FUT8: variants seen among roughly 807,000 people sequenced by gnomAD.
FUT8 encodes alpha-(1,6)-fucosyltransferase.
FUT8 carries 29 observed loss-of-function variants against 71.3 expected under a neutral mutation model. The ratio of observed to expected loss-of-function variants is 0.41; its 90% CI spans 0.30 to 0.55. FUT8 has a LOEUF of 0.55. Ranked by LOEUF, FUT8 falls within the 20% of genes least tolerant of loss-of-function variation. The pLI is 0.34. For synonymous variants in FUT8, 254 were observed against 239.3 expected, an observed-to-expected ratio of 1.06 and a Z score of -0.57; for missense variants, 544 against 702.1, an observed-to-expected ratio of 0.77 and a Z score of 2.55.
At chr14:65,480,522 C>T (rs1254594675) in intron 2 of FUT8, among the ~76,000 whole-genome samples, 1 of 151,686 alleles carries the variant, frequency 6.6e-6, no homozygotes, top group Non-Finnish European at 1.5e-5. Context: ...ATCATGTTGC[C>T]CAGGCTGGTT....
At chr14:65,528,163 C>A (rs948032957) in intron 2 of FUT8, among the ~76,000 whole-genome samples, 1 of 152,242 alleles carries the variant, frequency 6.6e-6, no homozygotes, top group Non-Finnish European at 1.5e-5. Context: ...TCTGCAGAGG[C>A]AGGCAGGCCT....
chr14:65,517,619 C>G (rs554104207), intron 2 of FUT8, among the ~76,000 whole-genome samples: 1 of 152,254 alleles, frequency 6.6e-6, no homozygotes, highest in East Asian at 1.9e-4. Context: ...GTGATCATAT[C>G]AACATGGAAA....
At position 65,489,659 on chromosome 14, in the gene FUT8, A is replaced by G; in HGVS notation, c.-228+33941A>G. On this transcript the variant is annotated intron_variant, in intron 2 of 10. Transcript: ENST00000673929. The surrounding 1 kb of genome is among the most constrained non-coding windows in gnomAD (Gnocchi z 4.0). ...TGAGTCTTAAAATATGTATAGCTTCATTTGTGTTGATTGATGTTGTAACTT... is the reference window on the plus strand; with the variant it reads ...TGAGTCTTAAAATATGTATAGCTTCGTTTGTGTTGATTGATGTTGTAACTT... Among the ~76,000 whole-genome samples, 1 of 152,138 alleles carries G rather than the reference A, an allele frequency of 6.6e-6. No homozygotes were observed.
chr14:65,658,234 G>A (rs1891785329), intron 6 of FUT8, among the ~76,000 whole-genome samples: 1 of 151,996 alleles, frequency 6.6e-6, no homozygotes, highest in African/African-American at 2.4e-5. Flanking sequence ...TAGTTATTAG[G>A]GAAATGCAAA....
intron 9 of FUT8, among the ~76,000 whole-genome samples, 160 bp downstream of exon 9, chr14:65,724,483 CAA>C (rs1257020014): frequency 1.3e-5 from 2 of 152,142 alleles, no homozygotes; most frequent in African/African-American, 2.4e-5. Context: ...TCAGTCTAAT[CAA>C]AGTGTTTTTA....
chr14:65,692,745 T>C lies in FUT8; in HGVS notation c.835+23265T>C, dbSNP rs1253540884. Among the ~76,000 whole-genome samples the C allele has an allele frequency of 5.0e-5, 7 of 140,852 alleles. No homozygotes were observed. In the East Asian group the frequency reaches 1.4e-3, roughly 28 times the overall value. 92.4% of individuals were successfully genotyped at this position (140,852 alleles called of 152,430 possible). A position where few individuals can be genotyped will look rare whatever the true frequency, so the allele number is the denominator to read the frequency against. On this transcript the variant is annotated intron_variant, in intron 7 of 10. Coordinates refer to ENST00000673929, the MANE Select transcript of FUT8 (RefSeq NM_001371533.1). ...GCCGGGCGGAGGGGCTCCTCACTTC[T>C]CAGACGGGGTGGTTGCCGGGCAGAG...
At chr14:65,656,179 A>G (rs762367256) in intron 6 of FUT8, among the ~76,000 whole-genome samples, 3 of 152,150 alleles carry the variant, frequency 2.0e-5, no homozygotes, top group Non-Finnish European at 4.4e-5. Context: ...TCTTGTTTGC[A>G]GACTATATGG....
chr14:65,587,935 T>A (rs2140131658), intron 3 of FUT8, among the ~76,000 whole-genome samples: 1 of 152,340 alleles, frequency 6.6e-6, no homozygotes, highest in East Asian at 1.9e-4. Flanking sequence ...GAATCTGATA[T>A]AATTAATAGA....
At chr14:65,629,344 C>A in intron 5 of FUT8, 148 bp from the exon 6 acceptor site, 1 of 496,612 alleles carries the variant, frequency 2.0e-6, no homozygotes. Context: ...TTTTGAATTG[C>A]ACAACCTTGA....
the FUT8 span, among the ~76,000 whole-genome samples, chr14:65,391,488 A>C: frequency 5.3e-5 from 8 of 152,194 alleles, no homozygotes; most frequent in Non-Finnish European, 7.4e-5. Flanking sequence ...CAAGAGTAGC[A>C]GGGACTACAG....
At chr14:65,496,825 T>A (rs1216038548) in intron 2 of FUT8, among the ~76,000 whole-genome samples, 1 of 152,186 alleles carries the variant, frequency 6.6e-6, no homozygotes, top group Non-Finnish European at 1.5e-5. Flanking sequence ...AGTGGTTTTG[T>A]GCTTGCTGTT....
chr14:65,408,430 A>G (rs903802832), upstream of FUT8, among the ~76,000 whole-genome samples: 1 of 152,192 alleles, frequency 6.6e-6, no homozygotes, highest in Non-Finnish European at 1.5e-5. Flanking sequence ...GTGGAAAAAT[A>G]TAATCTTTTT....
intron 6 of FUT8, among the ~76,000 whole-genome samples, chr14:65,651,094 A>T (rs1891385491): frequency 6.6e-6 from 1 of 152,234 alleles, no homozygotes; most frequent in Non-Finnish European, 1.5e-5. Context: ...TGCTACAGCC[A>T]CAGAGACTGT....
chr14:65,611,261 A>G (rs866816894), intron 3 of FUT8, among the ~76,000 whole-genome samples: 1 of 72,894 alleles, frequency 1.4e-5, no homozygotes, highest in African/African-American at 1.0e-4. Context: ...ACACACACAC[A>G]CACACACACA....
intron 7 of FUT8, among the ~76,000 whole-genome samples, chr14:65,694,994 G>A (rs1459245757): frequency 6.6e-6 from 1 of 152,060 alleles, no homozygotes; most frequent in Admixed American, 6.5e-5. Flanking sequence ...GTATACATAT[G>A]TAACTAACCT....
chr14:65,637,623 G>C (rs1207203353), intron 6 of FUT8, among the ~76,000 whole-genome samples: 1 of 151,984 alleles, frequency 6.6e-6, no homozygotes, highest in Non-Finnish European at 1.5e-5. Flanking sequence ...TGTGGAGATG[G>C]GATCTCCCTA....
intron 6 of FUT8, among the ~76,000 whole-genome samples, chr14:65,667,761 C>T (rs762266795): frequency 1.1e-4 from 17 of 152,018 alleles, no homozygotes; most frequent in Non-Finnish European, 2.2e-4. Context: ...CCGCATTACC[C>T]GAATTCAAAC....
At chr14:65,545,226 A>G (rs1884919450) in intron 2 of FUT8, among the ~76,000 whole-genome samples, 2 of 152,088 alleles carry the variant, frequency 1.3e-5, no homozygotes, top group Non-Finnish European at 2.9e-5. Flanking sequence ...AAAGCAATAA[A>G]AAAGATTTTA....
chr14:65,728,052 T>C (rs1895776201), intron 9 of FUT8, among the ~76,000 whole-genome samples: 2 of 152,190 alleles, frequency 1.3e-5, no homozygotes, highest in South Asian at 4.1e-4. Context: ...GCCCATACTT[T>C]ATTGTCCATA....
Sources: gnomAD v4.1 joint callset for allele counts (sites outside exome capture counted in the v4.1 genomes callset) on GRCh38, gnomAD v4.1.1 for gene constraint, Gnocchi (gnomAD v3.1) non-coding constraint, MANE v1.5 for transcripts, NCBI Gene and HGNC (gene_info 2026-07-23, HGNC 2026-07-21) for gene names.